The following LRRC4C variants were observed in gnomAD, a reference collection of about 807,000 sequenced individuals.
LRRC4C encodes leucine-rich repeat-containing protein 4C.
Under a neutral mutation model 33.6 loss-of-function variants are expected in LRRC4C, and 5 were observed. The observed-to-expected ratio is 0.15, with a 90% CI of 0.08 to 0.31. The LOEUF (loss-of-function observed/expected upper bound fraction) is 0.31. Among genes scored for constraint, LRRC4C ranks in the 10% least tolerant of loss-of-function variants. The probability of loss-of-function intolerance (pLI) is 1.00; values close to 1 mark genes in which losing one functional copy is unlikely to be tolerated. For synonymous variants in LRRC4C, 329 were observed against 302.0 expected (o/e 1.09, Z -0.93); for missense variants, 560 against 796.7 (o/e 0.70, Z 3.58).
chr11:40,183,610 C>A (rs1201259716), intron 5 of LRRC4C, among the ~76,000 whole-genome samples: 1 of 152,146 alleles, frequency 6.6e-6, no homozygotes, highest in Non-Finnish European at 1.5e-5. Flanking sequence ...CATGATCAAG[C>A]TAGGATAATG....
At chr11:40,268,515 T>C (rs1322476698) in intron 4 of LRRC4C, among the ~76,000 whole-genome samples, 1 of 152,188 alleles carries the variant, frequency 6.6e-6, no homozygotes, top group Non-Finnish European at 1.5e-5. Flanking sequence ...TTTATATTAC[T>C]GTCAATGGTA....
At chr11:40,688,564 A>C (rs116810264) in intron 2 of LRRC4C, among the ~76,000 whole-genome samples, 1 of 152,226 alleles carries the variant, frequency 6.6e-6, no homozygotes, top group African/African-American at 2.4e-5. Flanking sequence ...GCATCAGATA[A>C]GGAGATGACA....
chr11:40,390,699 G>T (rs1457696366), intron 3 of LRRC4C, among the ~76,000 whole-genome samples: 1 of 152,086 alleles, frequency 6.6e-6, no homozygotes, highest in East Asian at 1.9e-4. Context: ...ATAGTAAGGT[G>T]GTTCTAGGGA....
At chr11:40,751,066 C>A (rs4643070) in intron 2 of LRRC4C, among the ~76,000 whole-genome samples, 122,723 of 151,864 alleles carry the variant, frequency 0.81, 49,820 homozygotes, top group African/African-American at 0.87. Flanking sequence ...CAAATTCCAC[C>A]TCCCTTTATG....
intron 3 of LRRC4C, among the ~76,000 whole-genome samples, chr11:40,581,423 AT>A (rs1296905382): frequency 2.0e-5 from 3 of 152,140 alleles, no homozygotes; most frequent in Non-Finnish European, 4.4e-5. Context: ...CCCCCTCTAT[AT>A]TTTAAACCTC....
intron 1 of LRRC4C, among the ~76,000 whole-genome samples, chr11:41,084,889 C>T (rs539254228): frequency 1.8e-4 from 28 of 152,034 alleles, no homozygotes; most frequent in Admixed American, 6.6e-5. Context: ...AATTCCTTAT[C>T]CTCTGTATTA....
At chr11:40,684,701 A>G (rs1944872003) in intron 2 of LRRC4C, among the ~76,000 whole-genome samples, 7 of 152,048 alleles carry the variant, frequency 4.6e-5, no homozygotes, top group Admixed American at 4.6e-4. Flanking sequence ...ATACCAAAGA[A>G]AAAAAGACAT....
intron 1 of LRRC4C, among the ~76,000 whole-genome samples, chr11:41,116,285 A>G (rs1942119377): frequency 6.6e-6 from 1 of 152,134 alleles, no homozygotes; most frequent in African/African-American, 2.4e-5. Flanking sequence ...TTTCAGCTAT[A>G]AAATTGAATC....
At chr11:41,062,774 A>G (rs530955475) in intron 1 of LRRC4C, among the ~76,000 whole-genome samples, 34 of 152,334 alleles carry the variant, frequency 2.2e-4, no homozygotes, top group African/African-American at 3.4e-4. Flanking sequence ...TGGCTAGGCC[A>G]TCATCCAGTG....
intron 5 of LRRC4C, among the ~76,000 whole-genome samples, chr11:40,187,855 G>A (rs985847909): frequency 6.6e-6 from 1 of 152,138 alleles, no homozygotes; most frequent in African/African-American, 2.4e-5. Flanking sequence ...TCAGCCGTTA[G>A]AGGAGAAAAA....
chr11:40,292,484 C>G (rs1944259593), intron 4 of LRRC4C: 1 of 151,990 alleles, frequency 6.6e-6, no homozygotes, highest in Admixed American at 6.6e-5. Flanking sequence ...GTGGGAAATT[C>G]AAAAAGAAAA....
At chr11:40,484,629 T>C (rs566975514) in intron 3 of LRRC4C, among the ~76,000 whole-genome samples, 5 of 152,062 alleles carry the variant, frequency 3.3e-5, no homozygotes, top group Non-Finnish European at 7.4e-5. Flanking sequence ...CTGCATATGC[T>C]TTATCAAACT....
intron 1 of LRRC4C, among the ~76,000 whole-genome samples, chr11:41,287,402 A>G (rs948947906): frequency 6.6e-6 from 1 of 152,164 alleles, no homozygotes; most frequent in African/African-American, 2.4e-5. Context: ...TGACTCAAGT[A>G]TTAGGTTGGT....
At chr11:40,924,033 C>T (rs751268176) in intron 2 of LRRC4C, among the ~76,000 whole-genome samples, 29 of 151,390 alleles carry the variant, frequency 1.9e-4, no homozygotes, top group Non-Finnish European at 3.7e-4. Context: ...AGTCATTCCA[C>T]GAATTCAGGG....
At chr11:41,034,408 G>A (rs1240173249) in intron 1 of LRRC4C, among the ~76,000 whole-genome samples, 1 of 143,898 alleles carries the variant, frequency 6.9e-6, no homozygotes, top group African/African-American at 2.7e-5. Flanking sequence ...ATGGAAAACA[G>A]ACTAAGACAC....
intron 5 of LRRC4C, among the ~76,000 whole-genome samples, chr11:40,143,779 A>G (rs920408609): frequency 3.9e-5 from 6 of 152,194 alleles, no homozygotes; most frequent in African/African-American, 1.4e-4. Flanking sequence ...ACTAGAGATA[A>G]CATGTACATA....
chr11:41,188,195 G>GAGAC (rs1590879267), intron 1 of LRRC4C, among the ~76,000 whole-genome samples: 2 of 152,090 alleles, frequency 1.3e-5, no homozygotes, highest in Non-Finnish European at 2.9e-5. Flanking sequence ...TCTTTACCAG[G>GAGAC]AGACATTCTG....
At chr11:41,225,156 G>A (rs565186392) in intron 1 of LRRC4C, among the ~76,000 whole-genome samples, 10 of 152,188 alleles carry the variant, frequency 6.6e-5, no homozygotes, top group South Asian at 4.1e-4. Context: ...GAAGATGTAC[G>A]GGGGTAGGAA....
At chr11:40,193,297 G>C (rs540268074) in intron 5 of LRRC4C, among the ~76,000 whole-genome samples, 1 of 152,310 alleles carries the variant, frequency 6.6e-6, no homozygotes, top group South Asian at 2.1e-4. Context: ...CTCTGCTGGT[G>C]ATACCAGGGC....
Sources: gnomAD v4.1 joint callset for allele counts (sites outside exome capture counted in the v4.1 genomes callset) on GRCh38, gnomAD v4.1.1 for gene constraint, MANE v1.5 for transcripts, NCBI Gene and HGNC (gene_info 2026-07-23, HGNC 2026-07-21) for gene names.